The following UHRF1 variants were observed in gnomAD, a reference collection of about 807,000 sequenced individuals.
UHRF1 encodes E3 ubiquitin-protein ligase UHRF1.
A neutral mutation model predicts 96.5 loss-of-function variants in UHRF1; 9 were observed. That is an observed-to-expected ratio of 0.09 (90% CI 0.06 to 0.16). The LOEUF (loss-of-function observed/expected upper bound fraction) is 0.16, where lower values mean the gene tolerates loss of function less well. Among genes scored for constraint, UHRF1 ranks in the 10% least tolerant of loss-of-function variants. The pLI, the probability that UHRF1 is intolerant of heterozygous loss-of-function variation, is 1.00. For missense variants in UHRF1, 626 were observed against 1,131.1 expected (o/e 0.55, Z 6.40); for synonymous variants, 455 against 469.9 (o/e 0.97, Z 0.41).
Position 4,950,599 on chromosome 19 carries a change from C to G in UHRF1, c.1518-12C>G, listed in dbSNP as rs759194381. On this transcript the variant is annotated splice_polypyrimidine_tract_variant and intron_variant, in intron 11 of 16. Transcript: ENST00000650932. ...TCACCTATAATGCGTGGGGTCCTGA[C>G]TCTCCCTGCAGGGCGCTGGCTCTCA... 6.2e-7 allele frequency: 1 copy of G among 1,609,932 alleles called. No individual in the cohort carries two copies. The highest frequency in any genetic ancestry group is 1.7e-5 in the Admixed American group (1 of 59,266).
intron 5 of UHRF1, among the ~76,000 whole-genome samples, chr19:4,934,441 A>G (rs2033157762): frequency 6.6e-6 from 1 of 151,484 alleles, no homozygotes; most frequent in Admixed American, 6.6e-5. Context: ...CCAAACTGAA[A>G]CTCTGACTCC....
chr19:4,922,709 A>C (rs993265634), intron 2 of UHRF1, among the ~76,000 whole-genome samples: 1 of 152,206 alleles, frequency 6.6e-6, no homozygotes, highest in African/African-American at 2.4e-5. Flanking sequence ...GCCTTTCTGC[A>C]ATGTTCCAGA....
intron 13 of UHRF1, among the ~76,000 whole-genome samples, chr19:4,953,639 A>T (rs897609105): frequency 2.0e-5 from 3 of 151,866 alleles, no homozygotes; most frequent in Non-Finnish European, 4.4e-5. Flanking sequence ...AATTTTTTAA[A>T]TTTTTTTGTA....
At chr19:4,909,914 C>G (rs1025380024) in intron 1 of UHRF1, among the ~76,000 whole-genome samples, 5 of 150,944 alleles carry the variant, frequency 3.3e-5, no homozygotes, top group Admixed American at 6.6e-5. Flanking sequence ...GGCGAGCCGC[C>G]GGGGAGGATG....
chr19:4,909,705 G>A (rs2146272998), intron 1 of UHRF1, 50 bp downstream of exon 1: 1 of 503,692 alleles, frequency 2.0e-6, no homozygotes, highest in Non-Finnish European at 3.5e-6. Context: ...GGCGCACGGG[G>A]CTCGGGAACT....
intron 7 of UHRF1, among the ~76,000 whole-genome samples, 198 bp downstream of exon 7, chr19:4,942,129 G>T (rs1490160685): frequency 6.6e-6 from 1 of 152,178 alleles, no homozygotes; most frequent in Non-Finnish European, 1.5e-5. Context: ...CAGCCTGGGG[G>T]ACGTAGAGAC....
At chr19:4,935,686 A>G (rs566800904) in intron 5 of UHRF1, among the ~76,000 whole-genome samples, 1 of 152,132 alleles carries the variant, frequency 6.6e-6, no homozygotes, top group African/African-American at 2.4e-5. Flanking sequence ...GGCTAGTAAG[A>G]TATAGAGCAT....
intron 5 of UHRF1, among the ~76,000 whole-genome samples, chr19:4,937,326 G>T (rs1447473809): frequency 7.1e-6 from 1 of 140,400 alleles, no homozygotes. Flanking sequence ...CGACCCATTG[G>T]ATATCTGAGC....
At chr19:4,914,438 A>G (rs2146289249) in intron 2 of UHRF1, among the ~76,000 whole-genome samples, 1 of 152,168 alleles carries the variant, frequency 6.6e-6, no homozygotes, top group East Asian at 1.9e-4. Flanking sequence ...CTAGCAGCCC[A>G]AGGTCTGCAG....
intron 2 of UHRF1, among the ~76,000 whole-genome samples, chr19:4,915,945 CA>C (rs1388660881): frequency 6.6e-6 from 1 of 152,168 alleles, no homozygotes; most frequent in Admixed American, 6.5e-5. Flanking sequence ...GGACCCTTTA[CA>C]TCATCCAGAA....
intron 9 of UHRF1, among the ~76,000 whole-genome samples, chr19:4,945,620 G>A (rs2033538976): frequency 6.6e-6 from 1 of 150,968 alleles, no homozygotes; most frequent in Non-Finnish European, 1.5e-5. Flanking sequence ...AGGATGCCCC[G>A]TGCACGCTTG....
intron 5 of UHRF1, among the ~76,000 whole-genome samples, chr19:4,938,525 T>TTTTG (rs951888659): frequency 8.6e-5 from 13 of 151,834 alleles, no homozygotes; most frequent in African/African-American, 2.7e-4. Flanking sequence ...GACAGTTTTT[T>TTTTG]TTTGTTTGTT....
At chr19:4,959,141 C>T (rs1443259558) in intron 16 of UHRF1, among the ~76,000 whole-genome samples, 2 of 151,880 alleles carry the variant, frequency 1.3e-5, no homozygotes, top group East Asian at 1.9e-4. Flanking sequence ...ACCACCATGG[C>T]CAACATGATG....
chr19:4,935,147 T>C (rs2033178333), intron 5 of UHRF1, among the ~76,000 whole-genome samples: 1 of 152,112 alleles, frequency 6.6e-6, no homozygotes, highest in African/African-American at 2.4e-5. Context: ...TTTGTATTTT[T>C]AGTGGAGACA....
chr19:4,950,483 A>C, intron 11 of UHRF1, 128 bp from the exon 12 acceptor site: 2 of 980,764 alleles, frequency 2.0e-6, no homozygotes, highest in Admixed American at 6.3e-5. Context: ...ACTTCAGGCG[A>C]TCTGCCTACT....
intron 2 of UHRF1, among the ~76,000 whole-genome samples, chr19:4,914,722 T>A (rs1427681150): frequency 6.6e-6 from 1 of 150,988 alleles, no homozygotes; most frequent in Non-Finnish European, 1.5e-5. Context: ...TTTAACCTGC[T>A]CGGGTACAAC....
intron 16 of UHRF1, among the ~76,000 whole-genome samples, chr19:4,959,071 C>T (rs1490431829): frequency 6.6e-6 from 1 of 151,230 alleles, no homozygotes; most frequent in Non-Finnish European, 1.5e-5. Context: ...TTGAACTCCT[C>T]GCGGGGCTAA....
rs376883955 is a variant in UHRF1 at position 4,933,122 on chromosome 19, A to G, written c.785+166A>G. Among the ~76,000 whole-genome samples the G allele has an allele frequency of 2.6e-4, 40 of 152,244 alleles. No individual in the cohort carries two copies. In the South Asian group the frequency reaches 7.3e-3, roughly 28 times the overall value. On this transcript the variant is annotated intron_variant, in intron 5 of 16. Coordinates refer to ENST00000650932, the MANE Select transcript of UHRF1 (RefSeq NM_001048201.3). The stretch of plus-strand genomic sequence containing the variant: ...TGGGGTCTGTTCCTGCTCACTGCTG[A>G]GCATCTTTCTAAGACCGACCACCTT...
chr19:4,951,412 C>T (rs528514361), intron 13 of UHRF1, among the ~76,000 whole-genome samples: 2 of 152,184 alleles, frequency 1.3e-5, no homozygotes, highest in South Asian at 4.2e-4. Context: ...TGTTCTGGAC[C>T]GCGCTGAACA....
Sources: allele counts gnomAD v4.1 joint callset (sites outside exome capture counted in the v4.1 genomes callset), GRCh38; gene constraint gnomAD v4.1.1; transcripts MANE v1.5; gene names NCBI Gene and HGNC (gene_info 2026-07-23, HGNC 2026-07-21).